Variants in PTBP3 observed in about 807,000 individuals in gnomAD.
PTBP3 encodes polypyrimidine tract binding protein 3, also known as polypyrimidine tract-binding protein 3.
A neutral mutation model predicts 58.7 loss-of-function variants in PTBP3; 20 were observed. The observed-to-expected ratio is 0.34, with a 90% CI of 0.24 to 0.50. The LOEUF (loss-of-function observed/expected upper bound fraction) is 0.50, where lower values mean the gene tolerates loss of function less well. PTBP3 is among the 20% of genes least tolerant of loss of function. The pLI, the probability that PTBP3 is intolerant of heterozygous loss-of-function variation, is 0.98. For synonymous variants in PTBP3, 185 were observed against 219.8 expected, an observed-to-expected ratio of 0.84 and a Z score of 1.40; for missense variants, 509 against 637.2, an observed-to-expected ratio of 0.80 and a Z score of 2.17.
chr9:112,297,844 T>C lies in PTBP3; in HGVS notation c.22A>G (p.Thr8Ala), dbSNP rs1828758313. 1.3e-6 allele frequency: 2 copies of C among 1,598,794 alleles called. No homozygotes were observed. Among genetic ancestry groups the C allele is most frequent in the South Asian group, 1.1e-5 (1 of 88,288 alleles). Residue 8 changes from threonine to alanine, a missense_variant, in exon 2 of 14, where the codon ACA (threonine) becomes GCA (alanine). By Grantham distance (58) the Thr-to-Ala change is moderately conservative. Transcript: ENST00000374257. ...AAAAAAAACTCACCATACACACCTG[T>C]AGAAGGAGTAGAACTATTCATGGTA... is the stretch of plus-strand genomic sequence containing the variant. MNSSTPS[T>A]GVYANGNDSK...
chr9:112,222,807 A>ATTAT lies in PTBP3; in HGVS notation c.*1043_*1044insATAA. On this transcript the variant is annotated 3_prime_UTR_variant, in exon 14 of 14. Coordinates refer to ENST00000374257, the MANE Select transcript of PTBP3 (RefSeq NM_001163788.4). ...TAAGCACATAATAAGGCACATAATA[A>ATTAT]GAAATTAAGTAAATACACAGTAATT... is the stretch of plus-strand genomic sequence containing the variant. The ATTAT allele has an allele frequency of 1.1e-6, 1 of 906,786 alleles. No individual in the cohort carries two copies. 56.2% of individuals were successfully genotyped at this position (906,786 alleles called of 1,614,324 possible). A position where few individuals can be genotyped will look rare whatever the true frequency, so the allele number is the denominator to read the frequency against.
intron 7 of PTBP3, among the ~76,000 whole-genome samples, chr9:112,247,856 C>G (rs1835949864): frequency 6.6e-6 from 1 of 152,100 alleles, no homozygotes; most frequent in African/African-American, 2.4e-5. Context: ...ATATCTGCAA[C>G]TTACTCAAGT....
intron 5 of PTBP3, among the ~76,000 whole-genome samples, chr9:112,258,385 C>T (rs924617356): frequency 3.9e-5 from 6 of 152,148 alleles, no homozygotes; most frequent in Non-Finnish European, 5.9e-5. Context: ...AATTACCACA[C>T]CTACGCTGAA....
Position 112,309,211 on chromosome 9 carries a change from A to T in PTBP3, c.-51-11295T>A, listed in dbSNP as rs55930869. ...CCAGAATCCTAGACCTTTTTTTTTT[A>T]AATTAATAGCATCTTAAATACTGAA... On this transcript the variant is annotated intron_variant, in intron 1 of 13. Coordinates refer to ENST00000374257, the MANE Select transcript of PTBP3 (RefSeq NM_001163788.4). 9.5e-3 allele frequency among the ~76,000 whole-genome samples: 1,434 copies of T among 151,690 alleles called. 27 individuals are homozygous for T. Among genetic ancestry groups the T allele is most frequent in the African/African-American group, 0.033 (1,361 of 41,408 alleles).
At chr9:112,253,545 G>T (rs536130604) in intron 5 of PTBP3, among the ~76,000 whole-genome samples, 1 of 152,160 alleles carries the variant, frequency 6.6e-6, no homozygotes, top group East Asian at 1.9e-4. Flanking sequence ...AAATAGGGGG[G>T]ATAAAACAAC....
At chr9:112,303,688 ACC>A (rs1222716731) in intron 1 of PTBP3, among the ~76,000 whole-genome samples, 2 of 151,758 alleles carry the variant, frequency 1.3e-5, no homozygotes, top group African/African-American at 2.4e-5. Flanking sequence ...ATATGGTGAA[ACC>A]CCGTCTCTAC....
At chr9:112,307,077 A>G (rs1288805094) in intron 1 of PTBP3, among the ~76,000 whole-genome samples, 3 of 152,216 alleles carry the variant, frequency 2.0e-5, no homozygotes, top group African/African-American at 7.2e-5. Flanking sequence ...AAAATAACAC[A>G]TAAGTAAAGG....
intron 2 of PTBP3, among the ~76,000 whole-genome samples, chr9:112,279,669 C>G (rs527957295): frequency 8.0e-4 from 122 of 152,058 alleles, no homozygotes; most frequent in African/African-American, 2.7e-3. Context: ...CCCAGGCAAT[C>G]TGAACCCTAC....
chr9:112,357,495 G>A, the PTBP3 span, among the ~76,000 whole-genome samples: 2 of 152,110 alleles, frequency 1.3e-5, no homozygotes, highest in Middle Eastern at 3.4e-3. Context: ...GAGACTACGC[G>A]CAGGCAGCCA....
At chr9:112,332,235 C>A (rs1034339939) in intron 1 of PTBP3, among the ~76,000 whole-genome samples, 1 of 152,162 alleles carries the variant, frequency 6.6e-6, no homozygotes. Context: ...ACATCACAAT[C>A]ATGAATAAAA....
chr9:112,236,517 CA>C (rs1333179666), intron 7 of PTBP3, among the ~76,000 whole-genome samples: 1 of 151,614 alleles, frequency 6.6e-6, no homozygotes, highest in Admixed American at 6.6e-5. Flanking sequence ...AAGATAGACA[CA>C]AGCAATTATG....
intron 2 of PTBP3, among the ~76,000 whole-genome samples, chr9:112,296,108 C>G (rs1828678247): frequency 6.6e-6 from 1 of 152,118 alleles, no homozygotes; most frequent in African/African-American, 2.4e-5. Context: ...CAATGTGGGT[C>G]AGGGAAGCTA....
intron 3 of PTBP3, among the ~76,000 whole-genome samples, chr9:112,271,732 G>A (rs77006145): frequency 0.011 from 1,698 of 151,878 alleles, 35 homozygotes; most frequent in African/African-American, 0.039. Flanking sequence ...GCAAGACTCC[G>A]CTTCAAGAAA....
intron 6 of PTBP3, 159 bp downstream of exon 6, chr9:112,252,519 G>GA (rs5899995): frequency 0.32 from 173,201 of 549,740 alleles, 16,212 homozygotes; most frequent in East Asian, 0.49. Context: ...TTTTAGCTTA[G>GA]AAAAAAAAAA....
At chr9:112,306,328 C>T (rs1829207604) in intron 1 of PTBP3, among the ~76,000 whole-genome samples, 1 of 151,714 alleles carries the variant, frequency 6.6e-6, no homozygotes, top group Non-Finnish European at 1.5e-5. Context: ...CCATGCCCAG[C>T]TAATTTTTGT....
the PTBP3 span, among the ~76,000 whole-genome samples, chr9:112,358,851 A>G: frequency 6.6e-6 from 1 of 152,106 alleles, no homozygotes; most frequent in Non-Finnish European, 1.5e-5. Context: ...TTTGGGGGGC[A>G]CTGGAGCAGG....
In PTBP3 at chr9:112,224,296, G is replaced by C. The variant is rs1035785053; in HGVS notation, c.1365-86C>G. 3 of 804,438 alleles carry C rather than the reference G, an allele frequency of 3.7e-6. No individual in the cohort carries two copies. The African/African-American group carries it at 5.4e-5, about 14-fold the overall frequency. The allele number at this position is 804,438 out of a possible 1,614,324, so 49.8% of individuals were successfully genotyped here. A position where few individuals can be genotyped will look rare whatever the true frequency, so the allele number is the denominator to read the frequency against. ...CTCTTGCAATCATCAAATCTCTAGA[G>C]TACATTTCAAACAGAATTATTAAGC... On this transcript the variant is annotated intron_variant, in intron 12 of 13. Coordinates refer to ENST00000374257, the MANE Select transcript of PTBP3 (RefSeq NM_001163788.4).
At chr9:112,295,694 T>A (rs1381650886) in intron 2 of PTBP3, among the ~76,000 whole-genome samples, 8 of 151,244 alleles carry the variant, frequency 5.3e-5, no homozygotes, top group Admixed American at 5.3e-4. Context: ...AAGAAAACTA[T>A]GTGATTTATA....
intron 6 of PTBP3, among the ~76,000 whole-genome samples, chr9:112,251,380 G>C (rs988036797): frequency 8.5e-5 from 13 of 152,078 alleles, no homozygotes; most frequent in Non-Finnish European, 1.8e-4. Context: ...GTAAAAGATT[G>C]GAAAACTACT....
Sources: gnomAD v4.1 joint callset for allele counts (sites outside exome capture counted in the v4.1 genomes callset) on GRCh38, gnomAD v4.1.1 for gene constraint, MANE v1.5 for transcripts, NCBI Gene and HGNC (gene_info 2026-07-23, HGNC 2026-07-21) for gene names.